The following AGFG1 variants were observed in gnomAD, a reference collection of about 807,000 sequenced individuals.
AGFG1 encodes arf-GAP domain and FG repeat-containing protein 1.
Under a neutral mutation model 60.6 loss-of-function variants are expected in AGFG1, and 10 were observed. That is an observed-to-expected ratio of 0.16 (90% CI 0.10 to 0.28). The LOEUF (loss-of-function observed/expected upper bound fraction) is 0.28. Ranked by LOEUF, AGFG1 falls within the 10% of genes least tolerant of loss-of-function variation. The pLI, the probability that AGFG1 is intolerant of heterozygous loss-of-function variation, is 1.00. For missense variants in AGFG1, 537 were observed against 676.5 expected (o/e 0.79, Z 2.29); for synonymous variants, 247 against 242.9 (o/e 1.02, Z -0.16).
At chr2:227,493,734 AC>A (rs566977679) in intron 2 of AGFG1, among the ~76,000 whole-genome samples, 95 of 152,346 alleles carry the variant, frequency 6.2e-4, no homozygotes, top group African/African-American at 2.2e-3. Context: ...TAGATGTGTT[AC>A]ACCGGCTTAG....
intron 6 of AGFG1, 23 bp downstream of exon 6, chr2:227,531,233 C>CTTAAAT: frequency 6.3e-7 from 1 of 1,599,314 alleles, no homozygotes; most frequent in East Asian, 2.2e-5. Context: ...CAGCATTGTG[C>CTTAAAT]TTAAATGTTT....
intron 1 of AGFG1, among the ~76,000 whole-genome samples, chr2:227,476,792 G>A (rs760446971): frequency 6.6e-5 from 10 of 152,042 alleles, no homozygotes; most frequent in Non-Finnish European, 1.2e-4. Flanking sequence ...CAGTGAGCAG[G>A]GATTTATATT....
At chr2:227,546,595 C>T (rs7579707) in intron 10 of AGFG1, among the ~76,000 whole-genome samples, 82,059 of 152,016 alleles carry the variant, frequency 0.54, 22,631 homozygotes, top group South Asian at 0.68. Flanking sequence ...AGACTGGAGC[C>T]GTTCCTATTC....
chr2:227,546,478 C>G (rs1348043284), intron 10 of AGFG1, among the ~76,000 whole-genome samples: 1 of 152,188 alleles, frequency 6.6e-6, no homozygotes, highest in East Asian at 1.9e-4. Flanking sequence ...GGCTCACACT[C>G]CGTGGGCTAC....
At chr2:227,485,526 G>A (rs1017155789) in intron 1 of AGFG1, among the ~76,000 whole-genome samples, 12 of 151,112 alleles carry the variant, frequency 7.9e-5, no homozygotes, top group East Asian at 5.8e-4. Flanking sequence ...GTGAGCCACC[G>A]CACCCAGCCC....
intron 2 of AGFG1, chr2:227,510,684 C>G (rs1691471055): frequency 6.6e-6 from 1 of 152,104 alleles, no homozygotes; most frequent in Non-Finnish European, 1.5e-5. Flanking sequence ...TGTTTTTCTC[C>G]AAGCTAATAT....
chr2:227,483,915 C>T lies in AGFG1; in HGVS notation c.168-7632C>T, dbSNP rs563145962. On this transcript the variant is annotated intron_variant, in intron 1 of 12. Transcript: ENST00000310078. ...TTTTTCCCTTTTACTTGTGGAATTCCGTTTTCTTTTTTTTATTATACTTTA... is the reference window on the plus strand; with the variant it reads ...TTTTTCCCTTTTACTTGTGGAATTCTGTTTTCTTTTTTTTATTATACTTTA... Among the ~76,000 whole-genome samples, 22 of 151,888 alleles carry T rather than the reference C, an allele frequency of 1.4e-4. No homozygotes were observed. The South Asian group carries it at 4.6e-3, about 32-fold the overall frequency.
intron 10 of AGFG1, among the ~76,000 whole-genome samples, chr2:227,542,245 C>T (rs1692512192): frequency 6.6e-6 from 1 of 152,104 alleles, no homozygotes; most frequent in African/African-American, 2.4e-5. Flanking sequence ...TGCCAGTTTT[C>T]AAAGGGAATG....
intron 2 of AGFG1, among the ~76,000 whole-genome samples, chr2:227,505,385 A>G (rs1015197527): frequency 5.3e-5 from 8 of 151,978 alleles, no homozygotes; most frequent in Non-Finnish European, 8.8e-5. Context: ...AAATTTTATC[A>G]TTTTCCTTCC....
Position 227,551,093 on chromosome 2 carries a change from C to T in AGFG1, c.1379-866C>T, listed in dbSNP as rs555639037. On this transcript the variant is annotated intron_variant, in intron 10 of 12. Coordinates refer to ENST00000310078, the MANE Select transcript of AGFG1 (RefSeq NM_004504.5). ...AGCAGTTGTTCACACACATTTCTCC[C>T]GATGTGGTAATACTCTGTCCACCAA... Among the ~76,000 whole-genome samples the T allele has an allele frequency of 9.2e-5, 14 of 152,262 alleles. No homozygotes were observed. The South Asian group carries it at 2.5e-3, about 27-fold the overall frequency.
chr2:227,532,279 CAGTTAT>C (rs1477879564), intron 6 of AGFG1: 1 of 1,182,532 alleles, frequency 8.5e-7, no homozygotes, highest in Non-Finnish European at 1.2e-6. Flanking sequence ...AGGGTTTTTC[CAGTTAT>C]AGATTGTTAA....
At chr2:227,533,515 A>T in intron 6 of AGFG1, 34 bp from the exon 7 acceptor site, 1 of 1,586,562 alleles carries the variant, frequency 6.3e-7, no homozygotes, top group Non-Finnish European at 8.7e-7. Context: ...GGAAAAGCTT[A>T]GAAATTTCAA....
chr2:227,476,903 CTTT>C (rs55837522), intron 1 of AGFG1, among the ~76,000 whole-genome samples: 29 of 110,722 alleles, frequency 2.6e-4, no homozygotes, highest in Non-Finnish European at 2.5e-4. Context: ...CTCTCTCTCT[CTTT>C]TTTTTTTTTT....
At chr2:227,543,322 T>C (rs975612096) in intron 10 of AGFG1, among the ~76,000 whole-genome samples, 1 of 152,258 alleles carries the variant, frequency 6.6e-6, no homozygotes, top group African/African-American at 2.4e-5. Flanking sequence ...ACACACTGCT[T>C]TAAATCTGTC....
chr2:227,530,674 T>G (rs1692130629), intron 5 of AGFG1, among the ~76,000 whole-genome samples: 1 of 24,936 alleles, frequency 4.0e-5, no homozygotes, highest in Non-Finnish European at 9.9e-5. Flanking sequence ...AGTATTTCAG[T>G]TATTATTCAG....
chr2:227,524,123 G>T (rs553287188), intron 4 of AGFG1, among the ~76,000 whole-genome samples, 198 bp downstream of exon 4: 65 of 152,034 alleles, frequency 4.3e-4, no homozygotes, highest in South Asian at 3.3e-3. Context: ...TTGCTAATAT[G>T]AGTTTCTTTG....
chr2:227,488,818 T>TTATG (rs1234239569), intron 1 of AGFG1, among the ~76,000 whole-genome samples: 16 of 152,030 alleles, frequency 1.1e-4, no homozygotes, highest in African/African-American at 3.4e-4. Context: ...ATTTATTTAC[T>TTATG]TATTTATTTA....
intron 10 of AGFG1, chr2:227,550,152 A>G (rs1234239271): frequency 1.0e-5 from 4 of 399,348 alleles, no homozygotes; most frequent in African/African-American, 2.2e-5. Flanking sequence ...CAATTTGTCT[A>G]CCTGCTTGTG....
chr2:227,492,149 TATAAAGATTTGGATGGA>T (rs1385088090), intron 2 of AGFG1, among the ~76,000 whole-genome samples: 1 of 152,136 alleles, frequency 6.6e-6, no homozygotes, highest in African/African-American at 2.4e-5. Context: ...AGCCAGATGG[TATAAAGATTTGGATGGA>T]AGCTTTTTTT....
Sources: allele counts gnomAD v4.1 joint callset (sites outside exome capture counted in the v4.1 genomes callset), GRCh38; gene constraint gnomAD v4.1.1; transcripts MANE v1.5; gene names NCBI Gene and HGNC (gene_info 2026-07-23, HGNC 2026-07-21).